Variants in PSPH observed in about 807,000 individuals in gnomAD.
PSPH encodes the protein phosphoserine phosphatase.
Under a neutral mutation model 23.4 loss-of-function variants are expected in PSPH, and 16 were observed. That is an observed-to-expected ratio of 0.68 (90% CI 0.46 to 1.04). The LOEUF (loss-of-function observed/expected upper bound fraction) is 1.04. Ranked by LOEUF, PSPH falls within the 50% of genes least tolerant of loss-of-function variation. The probability of loss-of-function intolerance (pLI) is 0.00; values close to 1 mark genes in which losing one functional copy is unlikely to be tolerated. For synonymous variants in PSPH, 68 were observed against 99.7 expected, an observed-to-expected ratio of 0.68 and a Z score of 1.89; for missense variants, 223 against 273.7, an observed-to-expected ratio of 0.81 and a Z score of 1.31.
intron 3 of PSPH, 30 bp from the exon 4 acceptor site, chr7:56,021,261 G>C (rs1257158002): frequency 6.3e-7 from 1 of 1,584,334 alleles, no homozygotes. Flanking sequence ...TGTATTTAAA[G>C]ACATCAAATA....
intron 1 of PSPH, among the ~76,000 whole-genome samples, chr7:56,035,092 G>C (rs1334735535): frequency 6.6e-6 from 1 of 152,074 alleles, no homozygotes; most frequent in African/African-American, 2.4e-5. Flanking sequence ...TGTAATCCCA[G>C]CACTTTGGGA....
At chr7:56,031,270 A>G (rs971019795) in intron 3 of PSPH, among the ~76,000 whole-genome samples, 10 of 152,124 alleles carry the variant, frequency 6.6e-5, no homozygotes, top group Admixed American at 6.6e-4. Context: ...GAGGACTACA[A>G]GAAGGCAGGG....
intron 3 of PSPH, among the ~76,000 whole-genome samples, chr7:56,021,608 TG>T (rs1375211921): frequency 2.9e-5 from 4 of 140,274 alleles, no homozygotes; most frequent in Admixed American, 1.4e-4. Flanking sequence ...TATATATAGT[TG>T]TTTTTTTTTT....
chr7:56,041,457 C>T (rs1469345983), intron 1 of PSPH, among the ~76,000 whole-genome samples: 10 of 151,686 alleles, frequency 6.6e-5, no homozygotes, highest in Admixed American at 6.6e-4. Flanking sequence ...GTGATCTGCC[C>T]GCCTAGGCCT....
At chr7:56,041,036 A>G (rs1411950777) in intron 1 of PSPH, among the ~76,000 whole-genome samples, 1 of 152,000 alleles carries the variant, frequency 6.6e-6, no homozygotes, top group Non-Finnish European at 1.5e-5. Flanking sequence ...TGGGAAAACA[A>G]TCAGCCTTCC....
chr7:56,036,098 G>T (rs1030029298), intron 1 of PSPH, among the ~76,000 whole-genome samples: 1 of 151,992 alleles, frequency 6.6e-6, no homozygotes, highest in Non-Finnish European at 1.5e-5. Flanking sequence ...GCATGGTGGT[G>T]CATGGATAAT....
intron 1 of PSPH, among the ~76,000 whole-genome samples, chr7:56,041,211 T>C (rs74727120): frequency 2.0e-3 from 251 of 126,588 alleles, no homozygotes; most frequent in African/African-American, 6.6e-3. Flanking sequence ...CTCTCTCTCT[T>C]TTTTTTTTTT....
chr7:56,014,615 A>G (rs1788342690), intron 7 of PSPH, among the ~76,000 whole-genome samples: 1 of 152,022 alleles, frequency 6.6e-6, no homozygotes, highest in Non-Finnish European at 1.5e-5. Flanking sequence ...TCGACCTCCC[A>G]AAGTGTTGGG....
At chr7:56,033,514 AT>A in intron 2 of PSPH, 1 of 151,014 alleles carries the variant, frequency 6.6e-6, no homozygotes, top group African/African-American at 2.4e-5. Flanking sequence ...AAAAAAATAA[AT>A]AAAAATAAAA....
intron 3 of PSPH, among the ~76,000 whole-genome samples, chr7:56,023,165 C>T (rs925655742): frequency 6.6e-6 from 1 of 152,054 alleles, no homozygotes; most frequent in Non-Finnish European, 1.5e-5. Context: ...TATGTCCTGA[C>T]TTGAGCCTGG....
At chr7:56,031,217 CA>C (rs781209477) in intron 3 of PSPH, among the ~76,000 whole-genome samples, 1,761 of 112,600 alleles carry the variant, frequency 0.016, 10 homozygotes, top group Non-Finnish European at 0.025. Flanking sequence ...GACTCCGTCT[CA>C]AAAAAAAAAA....
chr7:56,049,236 G>A (rs1390810865), intron 1 of PSPH, among the ~76,000 whole-genome samples: 3 of 151,450 alleles, frequency 2.0e-5, no homozygotes, highest in South Asian at 2.1e-4. Context: ...CATCCTCTAA[G>A]TTTTAAACCC....
intron 4 of PSPH, among the ~76,000 whole-genome samples, chr7:56,020,560 G>C (rs1426839664): frequency 1.3e-5 from 2 of 151,708 alleles, no homozygotes; most frequent in Non-Finnish European, 2.9e-5. Context: ...GGGAGGCAGA[G>C]GTTGCAGTGA....
At chr7:56,027,957 C>A (rs1260415158) in intron 3 of PSPH, among the ~76,000 whole-genome samples, 3 of 147,864 alleles carry the variant, frequency 2.0e-5, no homozygotes, top group Non-Finnish European at 4.5e-5. Context: ...TAGTCAAGAG[C>A]CTGTGGTGGG....
intron 5 of PSPH, among the ~76,000 whole-genome samples, chr7:56,018,885 C>T (rs1210553312): frequency 6.6e-6 from 1 of 151,410 alleles, no homozygotes; most frequent in Non-Finnish European, 1.5e-5. Flanking sequence ...CAGGAGGATC[C>T]CTTGAGCCCA....
chr7:56,037,543 C>T (rs1167082682), intron 1 of PSPH, among the ~76,000 whole-genome samples: 3 of 151,796 alleles, frequency 2.0e-5, no homozygotes, highest in South Asian at 4.2e-4. Flanking sequence ...CTCAGCCTTC[C>T]GAGTAGGTTG....
chr7:56,030,157 C>T (rs189082024), intron 3 of PSPH, among the ~76,000 whole-genome samples: 3 of 151,774 alleles, frequency 2.0e-5, no homozygotes, highest in South Asian at 2.1e-4. Context: ...TCACTCAGGC[C>T]GGAGTGCAGT....
chr7:56,037,706 A>ATTTTTTTTTTTTTTTTTTTTT, intron 1 of PSPH, among the ~76,000 whole-genome samples: 1 of 115,304 alleles, frequency 8.7e-6, no homozygotes. Flanking sequence ...AAGCTAACAA[A>ATTTTTTTTTTTTTTTTTTTTT]TTTTTTTTTT....
chr7:56,021,128 C>T lies in PSPH; in HGVS notation c.85G>A (p.Glu29Lys). ...FDVDSTVIRE[E>K]GIDELAKICG... is the part of the protein sequence containing the mutation. ...ATTTTGGCTAGCTCATCGATTCCTT[C>T]TTCTCTGATGACCGTGCTGTCAACA... Residue 29 changes from glutamate (E) to lysine (K), a missense_variant, in exon 4 of 8, where the codon GAA (glutamate) becomes AAA (lysine). Coordinates refer to ENST00000275605, the MANE Select transcript of PSPH (RefSeq NM_004577.4). 6.2e-7 allele frequency: 1 copy of T among 1,614,268 alleles called. No homozygotes were observed. The highest frequency in any genetic ancestry group is 8.5e-7 in the Non-Finnish European group (1 of 1,180,048).
Sources: allele counts gnomAD v4.1 joint callset (sites outside exome capture counted in the v4.1 genomes callset), GRCh38; gene constraint gnomAD v4.1.1; transcripts MANE v1.5; gene names NCBI Gene and HGNC (gene_info 2026-07-23, HGNC 2026-07-21).